GTF2H1: variants seen among roughly 807,000 people sequenced by gnomAD.
The protein encoded by GTF2H1 is BTF2 p62.
Under a neutral mutation model 71.2 loss-of-function variants are expected in GTF2H1, and 16 were observed. The ratio of observed to expected loss-of-function variants is 0.22; its 90% CI spans 0.15 to 0.34. The LOEUF is 0.34. GTF2H1 is among the 10% of genes least tolerant of loss of function. The pLI, the probability that GTF2H1 is intolerant of heterozygous loss-of-function variation, is 1.00. For missense variants in GTF2H1, 498 were observed against 648.2 expected, an observed-to-expected ratio of 0.77 and a Z score of 2.52; for synonymous variants, 215 against 219.0, an observed-to-expected ratio of 0.98 and a Z score of 0.16.
rs1281531277 is a variant in GTF2H1 at position 18,350,566 on chromosome 11, TTGAGGTCAGATTTGTGACTTCATG to T, written c.1054-1299_1054-1276del. Among the ~76,000 whole-genome samples the T allele has an allele frequency of 6.9e-4, 104 of 151,452 alleles. 2 individuals are homozygous for T. Among genetic ancestry groups the T allele is most frequent in the African/African-American group, 2.2e-3 (91 of 41,474 alleles). On this transcript the variant is annotated intron_variant, in intron 9 of 14. Coordinates refer to ENST00000265963, the MANE Select transcript of GTF2H1 (RefSeq NM_005316.4). The stretch of plus-strand genomic sequence containing the variant: ...CAATTTAAAACGTTAAGTTTTCAGA[TTGAGGTCAGATTTGTGACTTCATG>T]TGAGGTCAGATTTGTTCCTGTACCA...
chr11:18,332,422 G>A (rs1864921737), intron 1 of GTF2H1, among the ~76,000 whole-genome samples: 1 of 152,222 alleles, frequency 6.6e-6, no homozygotes. Context: ...GGGGATGGAG[G>A]TGGAGGGACC....
chr11:18,342,252 CTTTTTTTTTTTT>C (rs71047585), intron 7 of GTF2H1, among the ~76,000 whole-genome samples: 2 of 72,720 alleles, frequency 2.8e-5, no homozygotes, highest in South Asian at 7.3e-4. Flanking sequence ...TTTTCTGTCT[CTTTTTTTTTTTT>C]TTTTTTTTTT....
At chr11:18,346,733 C>CTTTTTTTTTTTTTTTTTTTTTTTTT (rs35494754) in intron 7 of GTF2H1, among the ~76,000 whole-genome samples, 34 of 85,226 alleles carry the variant, frequency 4.0e-4, no homozygotes, top group Non-Finnish European at 4.9e-4. Context: ...TTTTTATTTA[C>CTTTTTTTTTTTTTTTTTTTTTTTTT]TTTTTTTTTT....
chr11:18,333,150 C>A lies in GTF2H1; in HGVS notation c.76C>A (p.Leu26Ile), dbSNP rs149312586. The change falls in exon 2 of 15, where the codon CTC becomes ATC. Residue 26 changes from leucine to isoleucine, a missense_variant. Around this residue, in one of 3 missense-constraint regions of GTF2H1, gnomAD observed 216 missense variants for 306.2 expected, o/e 0.71. Coordinates refer to ENST00000265963, the MANE Select transcript of GTF2H1 (RefSeq NM_005316.4). ...AAAGAAGCAGGATGGAGCTCTGTACCTCATGGCAGAAAGAATTGCTTGGGC... is the reference window on the plus strand; with the variant it reads ...AAAGAAGCAGGATGGAGCTCTGTACATCATGGCAGAAAGAATTGCTTGGGC... Reference protein sequence around the residue: ...RQKKQDGALYLMAERIAWAPE... With the variant: ...RQKKQDGALYIMAERIAWAPE... 1.4e-4 allele frequency: 229 copies of A among 1,613,180 alleles called. No homozygotes were observed. The highest frequency in any genetic ancestry group is 1.9e-4 in the Non-Finnish European group (224 of 1,179,660).
At chr11:18,332,945 C>T (rs1257103608) in intron 1 of GTF2H1, 115 bp from the exon 2 acceptor site, 14 of 605,004 alleles carry the variant, frequency 2.3e-5, no homozygotes, top group Middle Eastern at 4.5e-4. Context: ...TCTTCTTCCC[C>T]GTTAATTTCC....
chr11:18,359,985 A>G (rs1865658478), intron 13 of GTF2H1, among the ~76,000 whole-genome samples: 1 of 151,716 alleles, frequency 6.6e-6, no homozygotes, highest in Non-Finnish European at 1.5e-5. Context: ...AGCTCAGGTG[A>G]TCACCTGAGC....
rs534353347 is a variant in GTF2H1 at position 18,367,022 on chromosome 11, T to G, written c.*1153T>G. 3 of 152,208 alleles carry G rather than the reference T, an allele frequency of 2.0e-5. No homozygotes were observed. The highest frequency in any genetic ancestry group is 2.0e-4 in the Admixed American group (3 of 15,284). The allele number at this position is 152,208 out of a possible 1,614,324, so 9.4% of individuals were successfully genotyped here. Reference sequence around the variant, plus strand: ...AATTACACAAAAAAAGTAAAACTTTTTATACTTACCCTTTTAACTCTAACA... The same window carrying G: ...AATTACACAAAAAAAGTAAAACTTTGTATACTTACCCTTTTAACTCTAACA... On this transcript the variant is annotated 3_prime_UTR_variant, in exon 15 of 15. Transcript: ENST00000265963.
intron 1 of GTF2H1, among the ~76,000 whole-genome samples, chr11:18,328,325 A>G (rs1399160436): frequency 1.3e-5 from 2 of 152,034 alleles, no homozygotes; most frequent in East Asian, 1.9e-4. Context: ...AGCTTGGCCA[A>G]CATGGCGAAA....
chr11:18,352,966 C>T (rs1865461049), intron 11 of GTF2H1, among the ~76,000 whole-genome samples: 1 of 152,262 alleles, frequency 6.6e-6, no homozygotes, highest in African/African-American at 2.4e-5. Context: ...TGGCTCACGC[C>T]TGTAATCCCA....
intron 1 of GTF2H1, 98 bp downstream of exon 1, chr11:18,322,838 T>A (rs1443323179): frequency 6.6e-6 from 1 of 152,264 alleles, no homozygotes; most frequent in Non-Finnish European, 1.5e-5. Context: ...CTACCCCTGT[T>A]CCCAGCGTCG....
intron 1 of GTF2H1, chr11:18,326,146 A>C (rs542367619): frequency 6.6e-6 from 1 of 152,364 alleles, no homozygotes. Flanking sequence ...ATTTGTGCCC[A>C]ATGTTCGGTA....
At chr11:18,331,608 GTGAGC>G in intron 1 of GTF2H1, among the ~76,000 whole-genome samples, 1 of 152,092 alleles carries the variant, frequency 6.6e-6, no homozygotes, top group East Asian at 1.9e-4. Flanking sequence ...GAAGGTTGTG[GTGAGC>G]TGAGATCACA....
At chr11:18,330,868 T>TAATAGGTCA (rs1202148568) in intron 1 of GTF2H1, among the ~76,000 whole-genome samples, 2 of 152,208 alleles carry the variant, frequency 1.3e-5, no homozygotes, top group African/African-American at 4.8e-5. Context: ...CACATTGACC[T>TAATAGGTCA]ATTTCCTTTC....
At chr11:18,332,117 A>G (rs1340448479) in intron 1 of GTF2H1, among the ~76,000 whole-genome samples, 1 of 152,184 alleles carries the variant, frequency 6.6e-6, no homozygotes, top group Non-Finnish European at 1.5e-5. Flanking sequence ...TGTAAGCCAC[A>G]TCACTTGGCC....
At chr11:18,362,095 T>A (rs989125094) in intron 14 of GTF2H1, among the ~76,000 whole-genome samples, 1 of 152,218 alleles carries the variant, frequency 6.6e-6, no homozygotes, top group Non-Finnish European at 1.5e-5. Context: ...ACTTAAAACC[T>A]AGCTATATAG....
chr11:18,324,683 C>G (rs1864717524), intron 1 of GTF2H1, among the ~76,000 whole-genome samples: 1 of 152,048 alleles, frequency 6.6e-6, no homozygotes, highest in South Asian at 2.1e-4. Flanking sequence ...CCCTTCCTTT[C>G]TCTTTCCTGC....
intron 4 of GTF2H1, 113 bp downstream of exon 4, chr11:18,338,387 A>ATACTC: frequency 1.5e-6 from 1 of 666,142 alleles, no homozygotes; most frequent in Non-Finnish European, 2.7e-6. Context: ...AAAGTAATGG[A>ATACTC]AAATTGAGTA....
At chr11:18,348,651 A>G (rs1361315706) in intron 9 of GTF2H1, 1 of 152,240 alleles carries the variant, frequency 6.6e-6, no homozygotes, top group Non-Finnish European at 1.5e-5. Flanking sequence ...CATTAATACA[A>G]TAGAGATTGA....
Position 18,341,248 on chromosome 11 carries a change from T to G in GTF2H1, c.608-13T>G, listed in dbSNP as rs767290493. ...AAATTCAGTATATAATATTTGTGGG[T>G]TTTTTTCCACAGTAAAAATGAAATA... is the stretch of plus-strand genomic sequence containing the variant. On this transcript the variant is annotated splice_polypyrimidine_tract_variant and intron_variant, in intron 5 of 14. Transcript: ENST00000265963. 1.3e-4 allele frequency: 200 copies of G among 1,598,630 alleles called. No individual in the cohort carries two copies. The highest frequency in any genetic ancestry group is 2.1e-4 in the Middle Eastern group (1 of 4,756).
Sources: allele counts gnomAD v4.1 joint callset (sites outside exome capture counted in the v4.1 genomes callset), GRCh38; gene constraint gnomAD v4.1.1; regional missense constraint gnomAD v4.1.1; transcripts MANE v1.5; gene names NCBI Gene and HGNC (gene_info 2026-07-23, HGNC 2026-07-21).